The following RYR3 variants were observed in gnomAD, a reference collection of about 807,000 sequenced individuals.
RYR3 encodes brain ryanodine receptor-calcium release channel.
Under a neutral mutation model 584.3 loss-of-function variants are expected in RYR3, and 207 were observed. The observed-to-expected ratio is 0.35, with a 90% CI of 0.32 to 0.40. The LOEUF is 0.40. RYR3 is among the 10% of genes least tolerant of loss of function. RYR3 has a pLI of 1.00. For missense variants in RYR3, 5,616 were observed against 6,089.2 expected (o/e 0.92, Z 2.59); for synonymous variants, 2,416 against 2,248.5 (o/e 1.07, Z -2.11).
intron 65 of RYR3, among the ~76,000 whole-genome samples, chr15:33,781,350 T>G (rs2074368463): frequency 6.6e-6 from 1 of 152,182 alleles, no homozygotes; most frequent in African/African-American, 2.4e-5. Flanking sequence ...CTACAGTAAA[T>G]TATTTTCAAC....
intron 1 of RYR3, among the ~76,000 whole-genome samples, chr15:33,437,925 G>A (rs1422031131): frequency 6.6e-6 from 1 of 152,060 alleles, no homozygotes; most frequent in Non-Finnish European, 1.5e-5. Flanking sequence ...GTCTTGCCAT[G>A]TTGCCCAGGC....
At chr15:33,448,742 T>C (rs528790420) in intron 1 of RYR3, among the ~76,000 whole-genome samples, 11 of 152,252 alleles carry the variant, frequency 7.2e-5, no homozygotes, top group African/African-American at 2.2e-4. Context: ...AAGAGAATTA[T>C]GGTTTTGGGA....
chr15:33,376,083 A>T (rs779120729), intron 1 of RYR3, among the ~76,000 whole-genome samples: 2 of 152,092 alleles, frequency 1.3e-5, no homozygotes, highest in African/African-American at 4.8e-5. Flanking sequence ...AAGATATAGA[A>T]CATTTCTGTA....
intron 1 of RYR3, among the ~76,000 whole-genome samples, chr15:33,439,897 G>A (rs2676023): frequency 0.23 from 35,109 of 152,098 alleles, 5,188 homozygotes; most frequent in African/African-American, 0.42. Flanking sequence ...ATGGAAAAAA[G>A]TGCCTTTTTA....
At position 33,626,454 on chromosome 15, in the gene RYR3, T is replaced by C. The variant is rs75687107; in HGVS notation, c.2575-2017T>C. ...AGCAGAGCGTAAAAGTTTGAAAAATTTGTAGCCTAACGATGCAATAGAAAA... is the reference window on the plus strand; with the variant it reads ...AGCAGAGCGTAAAAGTTTGAAAAATCTGTAGCCTAACGATGCAATAGAAAA... On this transcript the variant is annotated intron_variant, in intron 20 of 103. Coordinates refer to ENST00000634891, the MANE Select transcript of RYR3 (RefSeq NM_001036.6). Among the ~76,000 whole-genome samples, 864 of 152,254 alleles carry C rather than the reference T, an allele frequency of 5.7e-3. 4 individuals carry two copies. The highest frequency in any genetic ancestry group is 0.02 in the African/African-American group (827 of 41,550).
chr15:33,505,450 C>A (rs1178300530), intron 3 of RYR3, among the ~76,000 whole-genome samples: 1 of 152,212 alleles, frequency 6.6e-6, no homozygotes, highest in South Asian at 2.1e-4. Context: ...TTGACCTCAG[C>A]ATCTTATATC....
chr15:33,552,795 G>A (rs573086290), intron 10 of RYR3, among the ~76,000 whole-genome samples: 60 of 152,186 alleles, frequency 3.9e-4, no homozygotes, highest in Non-Finnish European at 6.8e-4. Flanking sequence ...TAACTGTGGG[G>A]GAAGGGCGGT....
chr15:33,700,914 C>G, intron 41 of RYR3, 63 bp from the exon 42 acceptor site: 2 of 1,219,406 alleles, frequency 1.6e-6, no homozygotes, highest in Non-Finnish European at 1.2e-6. Flanking sequence ...GCACTGCAGT[C>G]TCAGCTCAGC....
intron 32 of RYR3, among the ~76,000 whole-genome samples, chr15:33,654,491 A>C (rs765389141): frequency 7.5e-5 from 11 of 146,792 alleles, no homozygotes; most frequent in Non-Finnish European, 1.3e-4. Flanking sequence ...ACTCTGAGTG[A>C]CTGAGTAAGA....
At chr15:33,416,661 T>G (rs908101139) in intron 1 of RYR3, among the ~76,000 whole-genome samples, 1 of 152,238 alleles carries the variant, frequency 6.6e-6, no homozygotes, top group Non-Finnish European at 1.5e-5. Flanking sequence ...CTGTTGATAG[T>G]TTCTTTTGCT....
At position 33,540,791 on chromosome 15, in the gene RYR3, C is replaced by T. The variant is rs1248453748; in HGVS notation, c.547C>T (p.His183Tyr). ...TGTCTCATTTCTGTTTCTGCTGCAG[C>T]ATCTCTCAGTATCAAATGGTAACAT... Reference protein sequence around the residue: ...LVSVSSERYLHLSVSNGNIQV... With the variant: ...LVSVSSERYLYLSVSNGNIQV... Residue 183 changes from histidine to tyrosine, a missense_variant and splice_region_variant, in exon 7 of 104, where the codon CAT becomes TAT. Around this residue, in one of 9 missense-constraint regions of RYR3, gnomAD observed 1,284 missense variants for 1,344.6 expected, o/e 0.95. Transcript: ENST00000634891. The T allele has an allele frequency of 6.3e-7, 1 of 1,594,804 alleles. No homozygotes were observed. The highest frequency in any genetic ancestry group is 1.1e-5 in the South Asian group (1 of 90,626).
rs530259358 is a variant in RYR3 at position 33,770,592 on chromosome 15, T to A, written c.8817-1328T>A. Among the ~76,000 whole-genome samples the A allele has an allele frequency of 1.4e-4, 21 of 152,080 alleles. 1 individual carries two copies. In the South Asian group the frequency reaches 2.7e-3, roughly 20 times the overall value. ...CATAGACCCCCATCTCTACAAAAAATTTTAAAAATTATCCAGACATGATGG... is the reference window on the plus strand; with the variant it reads ...CATAGACCCCCATCTCTACAAAAAAATTTAAAAATTATCCAGACATGATGG... On this transcript the variant is annotated intron_variant, in intron 62 of 103. Transcript: ENST00000634891.
At chr15:33,655,091 C>G (rs1409786139) in intron 32 of RYR3, among the ~76,000 whole-genome samples, 1 of 152,246 alleles carries the variant, frequency 6.6e-6, no homozygotes, top group African/African-American at 2.4e-5. Context: ...ACCTCCTCCT[C>G]TTCCTGGGAG....
At chr15:33,807,797 C>T (rs2076284923) in intron 70 of RYR3, 1 of 573,892 alleles carries the variant, frequency 1.7e-6, no homozygotes, top group South Asian at 2.2e-5. Flanking sequence ...TCACCCTAAC[C>T]GAGGTCTCCT....
chr15:33,440,270 G>C (rs928593669), intron 1 of RYR3, among the ~76,000 whole-genome samples: 1 of 152,226 alleles, frequency 6.6e-6, no homozygotes, highest in African/African-American at 2.4e-5. Flanking sequence ...CTGGGCAACA[G>C]AGTGAGACCC....
At chr15:33,641,356 T>C (rs539938581) in intron 27 of RYR3, among the ~76,000 whole-genome samples, 28 of 152,330 alleles carry the variant, frequency 1.8e-4, no homozygotes, top group Middle Eastern at 3.4e-3. Flanking sequence ...AATAATGAGA[T>C]GTATCTGTAG....
At chr15:33,521,635 C>A (rs1012864415) in intron 3 of RYR3, among the ~76,000 whole-genome samples, 2 of 152,120 alleles carry the variant, frequency 1.3e-5, no homozygotes, top group African/African-American at 4.8e-5. Context: ...AAGTATTCTT[C>A]TCTTTTGTCC....
At chr15:33,786,112 C>T in intron 66 of RYR3, 130 bp downstream of exon 66, 1 of 725,474 alleles carries the variant, frequency 1.4e-6, no homozygotes, top group Non-Finnish European at 2.1e-6. Context: ...CCCATGCCCA[C>T]CCCAGTTGCT....
intron 1 of RYR3, among the ~76,000 whole-genome samples, chr15:33,400,735 C>T (rs1403440968): frequency 6.6e-6 from 1 of 152,142 alleles, no homozygotes; most frequent in Admixed American, 6.6e-5. Flanking sequence ...AGTTGGCTTC[C>T]AGTGGGGAGT....
Sources: allele counts gnomAD v4.1 joint callset (sites outside exome capture counted in the v4.1 genomes callset), GRCh38; gene constraint gnomAD v4.1.1; regional missense constraint gnomAD v4.1.1; transcripts MANE v1.5; gene names NCBI Gene and HGNC (gene_info 2026-07-23, HGNC 2026-07-21).